The following SBF2 variants were observed in gnomAD, a reference collection of about 807,000 sequenced individuals.
The protein encoded by SBF2 is SET binding factor 2, also known as myotubularin-related protein 13.
Under a neutral mutation model 225.2 loss-of-function variants are expected in SBF2, and 112 were observed. That is an observed-to-expected ratio of 0.50 (90% CI 0.43 to 0.58). The LOEUF is 0.58. Among genes scored for constraint, SBF2 ranks in the 20% least tolerant of loss-of-function variants. The pLI is 0.00. For synonymous variants in SBF2, 763 were observed against 773.3 expected (o/e 0.99, Z 0.22); for missense variants, 1,996 against 2,206.2 (o/e 0.90, Z 1.91).
intron 2 of SBF2, among the ~76,000 whole-genome samples, chr11:10,120,862 C>A (rs1014147193): frequency 7.2e-5 from 11 of 152,182 alleles, no homozygotes; most frequent in African/African-American, 2.4e-4. Context: ...TTGTGATCCA[C>A]CTGCCTCGGC....
intron 16 of SBF2, among the ~76,000 whole-genome samples, chr11:9,909,293 T>G (rs75991940): frequency 0.076 from 11,618 of 151,958 alleles, 519 homozygotes; most frequent in East Asian, 0.11. Context: ...TCTGTTGGTT[T>G]TGTATTTACC....
At chr11:10,229,944 G>A (rs2135430415) in intron 1 of SBF2, among the ~76,000 whole-genome samples, 1 of 152,284 alleles carries the variant, frequency 6.6e-6, no homozygotes, top group East Asian at 1.9e-4. Context: ...TTGTGTGGGA[G>A]TCTAAGTCTC....
chr11:10,252,782 C>T (rs1272997567), intron 1 of SBF2, among the ~76,000 whole-genome samples: 1 of 150,502 alleles, frequency 6.6e-6, no homozygotes, highest in African/African-American at 2.4e-5. Context: ...GATCGCGCCA[C>T]TGCACTCCAG....
chr11:9,905,430 G>C (rs1862046004), intron 16 of SBF2, among the ~76,000 whole-genome samples: 1 of 152,164 alleles, frequency 6.6e-6, no homozygotes, highest in African/African-American at 2.4e-5. Flanking sequence ...GCGTAATCAG[G>C]ATTTTCCTTT....
Position 9,808,882 on chromosome 11 carries a change from A to C in SBF2, c.4257+19T>G, listed in dbSNP as rs1564872947. 6.5e-7 allele frequency: 1 copy of C among 1,534,782 alleles called. No individual in the cohort carries two copies. The highest frequency in any genetic ancestry group is 1.7e-5 in the Admixed American group (1 of 59,766). ...GAAATATAAATATAAAATATCAAAA[A>C]ATATGTCTAATAGTTTACTTGTGCA... On this transcript the variant is annotated intron_variant, in intron 31 of 39. Transcript: ENST00000256190.
intron 1 of SBF2, among the ~76,000 whole-genome samples, chr11:10,237,052 A>G (rs1959102212): frequency 1.3e-5 from 2 of 152,218 alleles, no homozygotes; most frequent in East Asian, 1.9e-4. Flanking sequence ...GAAGATAAGC[A>G]GGGCTACTGA....
intron 2 of SBF2, among the ~76,000 whole-genome samples, chr11:10,097,349 T>G (rs146922461): frequency 2.3e-3 from 350 of 152,334 alleles, no homozygotes; most frequent in African/African-American, 7.5e-3. Context: ...AATTACTGTC[T>G]GTAGTATTTT....
chr11:10,264,769 G>A (rs561548935), intron 1 of SBF2, among the ~76,000 whole-genome samples: 17 of 139,732 alleles, frequency 1.2e-4, no homozygotes, highest in African/African-American at 4.6e-4. Flanking sequence ...GGTGTGTGAT[G>A]CTCCCCTCCC....
intron 2 of SBF2, among the ~76,000 whole-genome samples, chr11:10,096,297 T>A (rs1952019423): frequency 1.3e-5 from 2 of 152,008 alleles, no homozygotes; most frequent in Non-Finnish European, 2.9e-5. Context: ...TAATAAACAA[T>A]ACAGGTGAAT....
At chr11:9,809,401 C>T (rs1003714856) in intron 30 of SBF2, 1 of 173,406 alleles carries the variant, frequency 5.8e-6, no homozygotes, top group African/African-American at 2.4e-5. Context: ...ACATGATTCC[C>T]CCAAAAGTAG....
rs1042851605 is a variant in SBF2 at position 9,829,579 on chromosome 11, T to C, written c.3653-83A>G. 2.5e-6 allele frequency: 3 copies of C among 1,201,920 alleles called. No homozygotes were observed. The African/African-American group carries it at 4.6e-5, about 18-fold the overall frequency. 74.5% of individuals were successfully genotyped at this position (1,201,920 alleles called of 1,614,324 possible). ...ATCTATCTATCTATCTATCTACCTA[T>C]CTATCTATGCTTATTTTTCTCTATA... On this transcript the variant is annotated intron_variant, in intron 27 of 39. Coordinates refer to ENST00000256190, the MANE Select transcript of SBF2 (RefSeq NM_030962.4).
At chr11:10,249,045 G>A (rs1444984336) in intron 1 of SBF2, among the ~76,000 whole-genome samples, 2 of 151,952 alleles carry the variant, frequency 1.3e-5, no homozygotes, top group South Asian at 2.1e-4. Context: ...GTAGTGAGCC[G>A]AGATCGTGTC....
chr11:9,887,050 G>A (rs1860383522), intron 17 of SBF2, among the ~76,000 whole-genome samples: 2 of 151,862 alleles, frequency 1.3e-5, no homozygotes, highest in Non-Finnish European at 2.9e-5. Flanking sequence ...TTCTTTTGGA[G>A]TAGACAAAGA....
intron 6 of SBF2, among the ~76,000 whole-genome samples, chr11:10,015,239 T>G (rs1365734170): frequency 6.6e-6 from 1 of 152,224 alleles, no homozygotes. Context: ...AGGTGGGTAC[T>G]GCATACATAG....
intron 6 of SBF2, among the ~76,000 whole-genome samples, chr11:10,008,107 C>T (rs752843870): frequency 1.7e-4 from 26 of 152,144 alleles, no homozygotes; most frequent in Non-Finnish European, 2.5e-4. Context: ...ACAGTTCCTC[C>T]GGTTGACTCC....
chr11:10,046,597 G>A (rs1490541287), intron 2 of SBF2, among the ~76,000 whole-genome samples: 3 of 151,238 alleles, frequency 2.0e-5, no homozygotes, highest in African/African-American at 4.9e-5. Context: ...TACACTAGAA[G>A]TAGAGGGAAA....
intron 1 of SBF2, among the ~76,000 whole-genome samples, chr11:10,275,747 C>G (rs188493633): frequency 2.0e-5 from 3 of 152,064 alleles, no homozygotes; most frequent in Admixed American, 6.5e-5. Flanking sequence ...GGGAACAATT[C>G]ATTGTTTCAA....
In SBF2 at chr11:9,913,224, G is replaced by C. The variant is rs537208075; in HGVS notation, c.1861-17213C>G. ...ATTTGAGTGGAGATTGCAGTGGGCT[G>C]AGATCGCGCCACTGCACTCCAGCCT... On this transcript the variant is annotated intron_variant, in intron 16 of 39. Transcript: ENST00000256190. Among the ~76,000 whole-genome samples, 4 of 152,246 alleles carry C rather than the reference G, an allele frequency of 2.6e-5. No homozygotes were observed. In the South Asian group the frequency reaches 8.3e-4, roughly 32 times the overall value.
chr11:9,885,262 A>AC (rs1860176503), intron 17 of SBF2, among the ~76,000 whole-genome samples: 1 of 148,506 alleles, frequency 6.7e-6, no homozygotes, highest in South Asian at 2.3e-4. Context: ...AAAAAAAAAA[A>AC]AAAAAAAAAA....
Sources: gnomAD v4.1 joint callset for allele counts (sites outside exome capture counted in the v4.1 genomes callset) on GRCh38, gnomAD v4.1.1 for gene constraint, MANE v1.5 for transcripts, NCBI Gene and HGNC (gene_info 2026-07-23, HGNC 2026-07-21) for gene names.